The following UBR4 variants were observed in gnomAD, a reference collection of about 807,000 sequenced individuals.
The protein encoded by UBR4 is E3 ubiquitin-protein ligase UBR4.
A neutral mutation model predicts 575.6 loss-of-function variants in UBR4; 124 were observed. That is an observed-to-expected ratio of 0.22 (90% confidence interval 0.19 to 0.25). The LOEUF (loss-of-function observed/expected upper bound fraction) is 0.25. UBR4 is among the 10% of genes least tolerant of loss of function. UBR4 has a pLI of 1.00. For missense variants in UBR4, 4,818 were observed against 6,478.8 expected, an observed-to-expected ratio of 0.74 and a Z score of 8.80; for synonymous variants, 2,455 against 2,473.7, an observed-to-expected ratio of 0.99 and a Z score of 0.22.
intron 66 of UBR4, 39 bp from the exon 67 acceptor site, chr1:19,122,051 C>G: frequency 2.5e-6 from 4 of 1,604,454 alleles, no homozygotes; most frequent in Non-Finnish European, 3.4e-6. Context: ...AGTAACTCCA[C>G]CACATTGCCC....
intron 102 of UBR4, among the ~76,000 whole-genome samples, chr1:19,083,734 A>G (rs1428398198): frequency 6.6e-6 from 1 of 152,152 alleles, no homozygotes; most frequent in Non-Finnish European, 1.5e-5. Flanking sequence ...GAGTCTTGCT[A>G]TGTTGCTTAG....
In UBR4 at chr1:19,197,177, C is replaced by T. The variant is rs2151590567; in HGVS notation, c.982G>A (p.Asp328Asn). Residue 328 changes from aspartate (D) to asparagine (N), a missense_variant, in exon 8 of 106, where the codon GAT (aspartate) becomes AAT (asparagine). By Grantham distance (23) the Asp-to-Asn change is conservative (BLOSUM62 1). This residue lies in a region of UBR4 where 131 missense variants were observed against 214.5 expected (regional missense o/e 0.61). Coordinates refer to ENST00000375254, the MANE Select transcript of UBR4 (RefSeq NM_020765.3). ...LEPLNPSRLQ[D>N]VTVLSLSCLY... is the part of the protein sequence containing the mutation. Reference sequence around the variant, plus strand: ...CAACTTAGGCTGAGGACTGTCACATCTTGTAGACGAGAAGGATTGAGAGGT... The same window carrying T: ...CAACTTAGGCTGAGGACTGTCACATTTTGTAGACGAGAAGGATTGAGAGGT... 2 of 1,614,118 alleles carry T rather than the reference C, an allele frequency of 1.2e-6. No homozygotes were observed. The highest frequency in any genetic ancestry group is 4.5e-5 in the East Asian group (2 of 44,888).
At position 19,190,312 on chromosome 1, in the gene UBR4, A is replaced by AAAAAAAAATATAT; in HGVS notation, c.1394+1875_1394+1876insATATATTTTTTTT. On this transcript the variant is annotated intron_variant, in intron 11 of 105. Coordinates refer to ENST00000375254, the MANE Select transcript of UBR4 (RefSeq NM_020765.3). Reference sequence around the variant, plus strand: ...TGCCTCAAAAAAAAAAAAAAAAAAAAATATATATATATATATATTTGTATG... The same window carrying AAAAAAAAATATAT: ...TGCCTCAAAAAAAAAAAAAAAAAAAAAAAAAAAATATATATATATATATATATATATTTGTATG... Among the ~76,000 whole-genome samples, 74 of 79,894 alleles carry AAAAAAAAATATAT rather than the reference A, an allele frequency of 9.3e-4. 2 individuals are homozygous for AAAAAAAAATATAT. Among genetic ancestry groups the AAAAAAAAATATAT allele is most frequent in the African/African-American group, 1.6e-3 (30 of 18,776 alleles). The allele number at this position is 79,894 out of a possible 152,430, so 52.4% of individuals were successfully genotyped here. A position where few individuals can be genotyped will look rare whatever the true frequency, so the allele number is the denominator to read the frequency against.
At position 19,124,647 on chromosome 1, in the gene UBR4, G is replaced by A. The variant is rs1445884408; in HGVS notation, c.9482C>T (p.Thr3161Ile). The A allele has an allele frequency of 6.2e-7, 1 of 1,614,076 alleles. No individual in the cohort carries two copies. The highest frequency in any genetic ancestry group is 8.5e-7 in the Non-Finnish European group (1 of 1,180,028). ...DVFEAYTQLL[T>I]EMVLRLPYQI... ...GTAAGGAAGCCTCAGTACCATTTCT[G>A]TTAGAAGCTGAGTATAGGCCTCAAA... Residue 3161 changes from threonine to isoleucine, a missense_variant, in exon 65 of 106, where the codon ACA becomes ATA. Physicochemically the swap from Thr to Ile is moderately conservative, Grantham distance 89 (BLOSUM62 -1). Around this residue, in one of 29 missense-constraint regions of UBR4, gnomAD observed 550 missense variants for 791.5 expected, o/e 0.69. Transcript: ENST00000375254.
chr1:19,102,179 A>T (rs2078699676), intron 87 of UBR4, among the ~76,000 whole-genome samples: 1 of 152,224 alleles, frequency 6.6e-6, no homozygotes, highest in Middle Eastern at 3.2e-3. Context: ...CAGGCTAGGC[A>T]ATGTGGCGAA....
In UBR4 at chr1:19,117,168, T is replaced by C. The variant is rs1294166040; in HGVS notation, c.10823+53A>G. On this transcript the variant is annotated intron_variant, in intron 73 of 105. Transcript: ENST00000375254. This position sits in a 1 kb window ranked among gnomAD's most constrained non-coding sequence, Gnocchi z 4.0. ...CATTCCAGGAACCGAAGGCAGCAAC[T>C]GAGCTTCAGCCTTACAACCTGCTGC... is the stretch of plus-strand genomic sequence containing the variant. 4 of 1,587,692 alleles carry C rather than the reference T, an allele frequency of 2.5e-6. No homozygotes were observed. Among genetic ancestry groups the C allele is most frequent in the Non-Finnish European group, 2.6e-6 (3 of 1,163,938 alleles).
intron 88 of UBR4, among the ~76,000 whole-genome samples, chr1:19,101,213 C>T (rs1289802765): frequency 3.3e-5 from 5 of 152,170 alleles, no homozygotes; most frequent in Non-Finnish European, 5.9e-5. Context: ...CCGCTTCTTC[C>T]ACAGTATGTT....
intron 100 of UBR4, 85 bp from the exon 101 acceptor site, chr1:19,086,355 TG>T (rs1335694746): frequency 1.4e-4 from 1 of 7,070 alleles, no homozygotes; most frequent in African/African-American, 8.5e-4. Flanking sequence ...GGGGTGGGGG[TG>T]GGGGCATGCC....
At chr1:19,076,942 A>G in intron 104 of UBR4, 40 bp from the exon 105 acceptor site, 1 of 1,518,030 alleles carries the variant, frequency 6.6e-7, no homozygotes, top group South Asian at 1.3e-5. Flanking sequence ...TGGGTGACTT[A>G]CTGCTGCCTC....
At chr1:19,075,999 G>C (rs1416231681) in intron 105 of UBR4, among the ~76,000 whole-genome samples, 4 of 152,206 alleles carry the variant, frequency 2.6e-5, no homozygotes, top group Admixed American at 6.5e-5. Flanking sequence ...TGCTCTGATG[G>C]GGGCTGTAAT....
At position 19,170,954 on chromosome 1, in the gene UBR4, G is replaced by A. The variant is rs1461759319; in HGVS notation, c.3522-71C>T. ...CACCAGTTAGGAAAAACTGGCCCTAGACTGGCTGAAAACCCTATATCTCAG... is the reference window on the plus strand; with the variant it reads ...CACCAGTTAGGAAAAACTGGCCCTAAACTGGCTGAAAACCCTATATCTCAG... On this transcript the variant is annotated intron_variant, in intron 25 of 105. Coordinates refer to ENST00000375254, the MANE Select transcript of UBR4 (RefSeq NM_020765.3). 4 of 1,606,726 alleles carry A rather than the reference G, an allele frequency of 2.5e-6. No individual in the cohort carries two copies. The Admixed American group carries it at 5.1e-5, about 20-fold the overall frequency.
At position 19,157,409 on chromosome 1, in the gene UBR4, A is replaced by G. The variant is rs2086596885; in HGVS notation, c.5760+406T>C. 6.6e-6 allele frequency among the ~76,000 whole-genome samples: 1 copy of G among 152,228 alleles called. No individual in the cohort carries two copies. The highest frequency in any genetic ancestry group is 2.1e-4 in the South Asian group (1 of 4,828). ...ACAAACTTACTTATGTGCTTAACAGAGCTGGGATGGCACGGCAGCACTACA... is the reference window on the plus strand; with the variant it reads ...ACAAACTTACTTATGTGCTTAACAGGGCTGGGATGGCACGGCAGCACTACA... On this transcript the variant is annotated intron_variant, in intron 40 of 105. Coordinates refer to ENST00000375254, the MANE Select transcript of UBR4 (RefSeq NM_020765.3). This position sits in a 1 kb window ranked among gnomAD's most constrained non-coding sequence, Gnocchi z 4.4.
intron 84 of UBR4, 141 bp downstream of exon 84, chr1:19,105,592 G>T: frequency 1.5e-6 from 1 of 650,864 alleles, no homozygotes; most frequent in Non-Finnish European, 2.5e-6. Context: ...CTAAAAGTCA[G>T]CTTTTTAACA....
intron 51 of UBR4, among the ~76,000 whole-genome samples, chr1:19,147,615 C>T (rs775242923): frequency 1.9e-4 from 29 of 152,202 alleles, no homozygotes; most frequent in Non-Finnish European, 3.7e-4. Context: ...CCAACAAGTA[C>T]AGTACACTTC....
intron 8 of UBR4, among the ~76,000 whole-genome samples, chr1:19,195,158 G>A (rs923310960): frequency 1.3e-5 from 2 of 151,404 alleles, no homozygotes; most frequent in African/African-American, 4.9e-5. Context: ...CCAGCTACAA[G>A]GGAGGCTGAG....
rs2087561084 is a variant in UBR4 at position 19,162,597 on chromosome 1, C to T, written c.4779G>A (p.Leu1593=). The T allele has an allele frequency of 6.2e-7, 1 of 1,613,246 alleles. No individual in the cohort carries two copies. The highest frequency in any genetic ancestry group is 8.5e-7 in the Non-Finnish European group (1 of 1,179,678). Residue 1593 remains leucine, a synonymous_variant, in exon 35 of 106, where the codon TTG becomes TTA. Transcript: ENST00000375254. ...NVMHGKHVMI[L]ECTCHIMSYL... is the part of the protein sequence containing the mutation. ...AAGACATGATATGGCATGTGCACTC[C>T]AAGATCATCACATGCTGTAAGAGAA...
At chr1:19,162,281 A>G in intron 35 of UBR4, 139 bp downstream of exon 35, 1 of 1,040,808 alleles carries the variant, frequency 9.6e-7, no homozygotes. Flanking sequence ...CTGAAGGCCT[A>G]GAAAATTGGG....
In UBR4 at chr1:19,126,594, T is replaced by C; in HGVS notation, c.9290A>G (p.Tyr3097Cys). Reference sequence around the variant, plus strand: ...CAGTGATTTGAGCACGTGCAGGCAGTAGTCCACAGCCCCAGAGCTCAGTAG... The same window carrying C: ...CAGTGATTTGAGCACGTGCAGGCAGCAGTCCACAGCCCCAGAGCTCAGTAG... ...AALLSSGAVD[Y>C]CLHVLKSLLE... The change falls in exon 64 of 106, where the codon TAC becomes TGC. Residue 3097 changes from tyrosine to cysteine, a missense_variant. This residue lies in a region of UBR4 where 550 missense variants were observed against 791.5 expected (regional missense o/e 0.69). Coordinates refer to ENST00000375254, the MANE Select transcript of UBR4 (RefSeq NM_020765.3). 6.2e-7 allele frequency: 1 copy of C among 1,614,136 alleles called. No homozygotes were observed. The highest frequency in any genetic ancestry group is 8.5e-7 in the Non-Finnish European group (1 of 1,180,032).
chr1:19,165,219 A>C, intron 31 of UBR4, 30 bp downstream of exon 31: 1 of 1,593,338 alleles, frequency 6.3e-7, no homozygotes, highest in Non-Finnish European at 8.6e-7. Context: ...CAAAGTTCCC[A>C]TAAGAAGATT....
Sources: gnomAD v4.1 joint callset for allele counts (sites outside exome capture counted in the v4.1 genomes callset) on GRCh38, gnomAD v4.1.1 for gene constraint, gnomAD v4.1.1 regional missense constraint, Gnocchi (gnomAD v3.1) non-coding constraint, MANE v1.5 for transcripts, NCBI Gene and HGNC (gene_info 2026-07-23, HGNC 2026-07-21) for gene names.